Variants in DCTN2 observed in about 807,000 individuals in gnomAD.
DCTN2 encodes 50 kDa dynein-associated polypeptide.
A neutral mutation model predicts 55.4 loss-of-function variants in DCTN2; 18 were observed. The observed-to-expected ratio is 0.32, with a 90% confidence interval of 0.22 to 0.48. The LOEUF is 0.48. Among genes scored for constraint, DCTN2 ranks in the 20% least tolerant of loss-of-function variants. DCTN2 has a pLI of 0.99. For synonymous variants in DCTN2, 168 were observed against 185.2 expected, an observed-to-expected ratio of 0.91 and a Z score of 0.76; for missense variants, 390 against 491.0, an observed-to-expected ratio of 0.79 and a Z score of 1.94.
rs1334083348 is a variant in DCTN2 at position 57,531,035 on chromosome 12, A to G, written c.1120-260T>C. 2.0e-5 allele frequency among the ~76,000 whole-genome samples: 3 copies of G among 152,346 alleles called. No homozygotes were observed. In the East Asian group the frequency reaches 5.8e-4, roughly 29 times the overall value. On this transcript the variant is annotated intron_variant, in intron 13 of 13. Coordinates refer to ENST00000548249, the MANE Select transcript of DCTN2 (RefSeq NM_001261413.2). The stretch of plus-strand genomic sequence containing the variant: ...AGTTTTTTAAAATCTGTTTTATGTA[A>G]TGAGAGCTAAATAAGATTTTGTTGA...
chr12:57,541,334 A>G, intron 2 of DCTN2: 1 of 1,598,336 alleles, frequency 6.3e-7, no homozygotes, highest in Non-Finnish European at 8.5e-7. Flanking sequence ...TGAAAAAAAC[A>G]TGCAGAGAAG....
rs778063351 is a variant in DCTN2, at chr12:57,534,110, C to A, written c.525-13G>T. On this transcript the variant is annotated splice_polypyrimidine_tract_variant and intron_variant, in intron 6 of 13. Coordinates refer to ENST00000548249, the MANE Select transcript of DCTN2 (RefSeq NM_001261413.2). ...CAGTAGTAGGCGCCTAGTTAGGAGA[C>A]CGAGTAATAATATCATGACTGGAAG... 4 of 1,580,686 alleles carry A rather than the reference C, an allele frequency of 2.5e-6. No homozygotes were observed. Among genetic ancestry groups the A allele is most frequent in the Non-Finnish European group, 2.6e-6 (3 of 1,163,780 alleles).
Position 57,533,132 on chromosome 12 carries a change from T to C in DCTN2, c.735+106A>G, listed in dbSNP as rs73346014. The C allele has an allele frequency of 1.2e-3, 1,894 of 1,560,048 alleles. 16 individuals are homozygous for C. The African/African-American group carries it at 0.023, about 19-fold the overall frequency. On this transcript the variant is annotated intron_variant, in intron 8 of 13. Transcript: ENST00000548249. ...GAACCCACTAGCTGATCCCTGTAAC[T>C]GAAGCCCTTTGATGACTCCTCCCAG...
At chr12:57,538,222 G>A (rs1880402868) in intron 2 of DCTN2, 2 of 496,612 alleles carry the variant, frequency 4.0e-6, no homozygotes, top group Non-Finnish European at 7.5e-6. Context: ...CATTCCTGCT[G>A]TGGGAGAGTG....
chr12:57,543,017 C>T (rs1880826714), intron 2 of DCTN2: 1 of 455,674 alleles, frequency 2.2e-6, no homozygotes, highest in African/African-American at 2.0e-5. Flanking sequence ...TGAAAATAAA[C>T]TGAAGATTAA....
Position 57,535,152 on chromosome 12 carries a change from A to G in DCTN2, c.267T>C (p.Leu89=). 1 of 1,612,608 alleles carries G rather than the reference A, an allele frequency of 6.2e-7. No individual in the cohort carries two copies. The highest frequency in any genetic ancestry group is 8.5e-7 in the Non-Finnish European group (1 of 1,178,962). Residue 89 remains leucine (L), a splice_region_variant and synonymous_variant, in exon 5 of 14, where the codon CTT becomes CTC. Coordinates refer to ENST00000548249, the MANE Select transcript of DCTN2 (RefSeq NM_001261413.2). ...TGYESGEYEM[L]GEGLGVKETP... Reference sequence around the variant, plus strand: ...TCTCCTTCACTCCCAGACCCTCTCCAAGCTAGAGAGCAGGCACAGAGGGTA... The same window carrying G: ...TCTCCTTCACTCCCAGACCCTCTCCGAGCTAGAGAGCAGGCACAGAGGGTA...
At chr12:57,531,481 CACTCCAGCCTGGGCA>C (rs1446534134) in intron 13 of DCTN2, among the ~76,000 whole-genome samples, 2 of 152,164 alleles carry the variant, frequency 1.3e-5, no homozygotes, top group Non-Finnish European at 2.9e-5. Flanking sequence ...CACACCACTG[CACTCCAGCCTGGGCA>C]ACAGAGCGAG....
In DCTN2 at chr12:57,533,019, G is replaced by C. The variant is rs750808338; in HGVS notation, c.739C>G (p.Pro247Ala). 5 of 1,599,474 alleles carry C rather than the reference G, an allele frequency of 3.1e-6. No homozygotes were observed. The highest frequency in any genetic ancestry group is 4.3e-6 in the Non-Finnish European group (5 of 1,173,768). The change falls in exon 9 of 14, where the codon CCC becomes GCC. Residue 247 changes from proline (P) to alanine (A), a missense_variant. By Grantham distance (27) the Pro-to-Ala change is conservative. Around this residue, in one of 2 missense-constraint regions of DCTN2, gnomAD observed 273 missense variants for 303.2 expected, o/e 0.90. Coordinates refer to ENST00000548249, the MANE Select transcript of DCTN2 (RefSeq NM_001261413.2). ...GCTCCCTGTAGACCTGCAGAAAGGG[G>C]ATTCTGGTGGGAAAGGAAGGGAAGA... Reference protein sequence around the residue: ...AVRCDQDAQNPLSAGLQGACL... With the variant: ...AVRCDQDAQNALSAGLQGACL...
In DCTN2 at chr12:57,535,681, G is replaced by A. The variant is rs1880172552; in HGVS notation, c.202+68C>T. 3.9e-6 allele frequency: 6 copies of A among 1,537,272 alleles called. No individual in the cohort carries two copies. The Admixed American group carries it at 1.0e-4, about 26-fold the overall frequency. ...CCAAGCACAACTCACTAAGACTTTA[G>A]GACAGGAAACCACTTCTCATGCTTA... On this transcript the variant is annotated intron_variant, in intron 3 of 13. Coordinates refer to ENST00000548249, the MANE Select transcript of DCTN2 (RefSeq NM_001261413.2).
rs772016082 is a variant in DCTN2, at chr12:57,538,484, C to A, written c.106-2639G>T. 11 of 760,210 alleles carry A rather than the reference C, an allele frequency of 1.4e-5. No individual in the cohort carries two copies. The Middle Eastern group carries it at 2.3e-3, about 156-fold the overall frequency. The allele number at this position is 760,210 out of a possible 1,614,324, so 47.1% of individuals were successfully genotyped here. On this transcript the variant is annotated intron_variant, in intron 2 of 13. Coordinates refer to ENST00000548249, the MANE Select transcript of DCTN2 (RefSeq NM_001261413.2). ...AAACAACTGCTCATCATAGCACACC[C>A]CGTTAAAAAGCAGATGAAAGGTCAG... is the stretch of plus-strand genomic sequence containing the variant.
At chr12:57,531,064 G>A (rs1394508998) in intron 13 of DCTN2, among the ~76,000 whole-genome samples, 1 of 152,228 alleles carries the variant, frequency 6.6e-6, no homozygotes, top group African/African-American at 2.4e-5. Flanking sequence ...TTGTTGAAAT[G>A]AGGGTTTCAC....
rs578154256 is a variant in DCTN2, at chr12:57,535,184, T to C, written c.265-30A>G. On this transcript the variant is annotated intron_variant, in intron 4 of 13. Coordinates refer to ENST00000548249, the MANE Select transcript of DCTN2 (RefSeq NM_001261413.2). ...AGAGCAGGCACAGAGGGTAATGTTA[T>C]ATGTCTCATTACAGGGAGCCTCAAG... 63 of 1,543,166 alleles carry C rather than the reference T, an allele frequency of 4.1e-5. 1 individual carries two copies. The East Asian group carries it at 1.3e-3, about 32-fold the overall frequency.
Position 57,532,035 on chromosome 12 carries a change from T to C in DCTN2, c.1099A>G (p.Asn367Asp). The change falls in exon 13 of 14, where the codon AAT becomes GAT. Residue 367 changes from asparagine to aspartate, a missense_variant. Asn to Asp is a conservative substitution (Grantham distance 23, BLOSUM62 1). Transcript: ENST00000548249. Reference protein sequence around the residue: ...QQMIANSLKDNTTLLTQVQTT... With the variant: ...QQMIANSLKDDTTLLTQVQTT... ...CACACCTGGGTCAAGAGGGTGGTAT[T>C]GTCCTTCAAGGAATTAGCAATCATC... is the stretch of plus-strand genomic sequence containing the variant. 1 of 1,564,386 alleles carries C rather than the reference T, an allele frequency of 6.4e-7. No individual in the cohort carries two copies. Among genetic ancestry groups the C allele is most frequent in the Non-Finnish European group, 8.7e-7 (1 of 1,153,708 alleles).
chr12:57,533,855 A>G (rs1879978543), intron 7 of DCTN2, 98 bp downstream of exon 7: 4 of 1,305,978 alleles, frequency 3.1e-6, no homozygotes, highest in East Asian at 2.5e-5. Flanking sequence ...CAGAGGAATC[A>G]GAAGCCTTCC....
chr12:57,543,246 G>A (rs1680636175), intron 2 of DCTN2: 1 of 351,542 alleles, frequency 2.8e-6, no homozygotes, highest in South Asian at 2.2e-5. Flanking sequence ...CTACTCGGGA[G>A]GCTAAGGCAG....
In DCTN2 at chr12:57,530,704, C is replaced by T. The variant is rs1169823594; in HGVS notation, c.1191G>A (p.Lys397=). 1.2e-6 allele frequency: 2 copies of T among 1,613,926 alleles called. No homozygotes were observed. Among genetic ancestry groups the T allele is most frequent in the Non-Finnish European group, 1.7e-6 (2 of 1,179,808 alleles). The change falls in exon 14 of 14, where the codon AAG becomes AAA. Residue 397 remains lysine (K), a synonymous_variant. Transcript: ENST00000548249. The part of the protein sequence containing the change: ...GNFASIDERM[K]KLGK The stretch of plus-strand genomic sequence containing the variant: ...CCAAATGTGCTCACTTTCCCAGCTT[C>T]TTCATCCGTTCATCAATGCTGGCAA...
intron 13 of DCTN2, 37 bp downstream of exon 13, chr12:57,531,978 T>G (rs1879764127): frequency 6.4e-7 from 1 of 1,552,726 alleles, no homozygotes; most frequent in Non-Finnish European, 8.7e-7. Context: ...TTGCACATGC[T>G]GGAGAAAGGA....
intron 2 of DCTN2, among the ~76,000 whole-genome samples, chr12:57,538,850 T>C (rs1439390566): frequency 6.6e-6 from 1 of 152,170 alleles, no homozygotes; most frequent in Non-Finnish European, 1.5e-5. Context: ...AGTTAGATGT[T>C]ACCAGCCAGT....
At chr12:57,541,585 G>A (rs1228941926) in intron 2 of DCTN2, among the ~76,000 whole-genome samples, 5 of 152,112 alleles carry the variant, frequency 3.3e-5, no homozygotes, top group African/African-American at 4.8e-5. Flanking sequence ...ATCAAACTAT[G>A]GCTAGGTCAT....
Sources: allele counts gnomAD v4.1 joint callset (sites outside exome capture counted in the v4.1 genomes callset), GRCh38; gene constraint gnomAD v4.1.1; regional missense constraint gnomAD v4.1.1; transcripts MANE v1.5; gene names NCBI Gene and HGNC (gene_info 2026-07-23, HGNC 2026-07-21).